Variants in PALM2AKAP2 observed in about 807,000 individuals in gnomAD.
PALM2AKAP2 encodes the protein PALM2 and AKAP2 fusion.
Under a neutral mutation model 71.5 loss-of-function variants are expected in PALM2AKAP2, and 37 were observed. The ratio of observed to expected loss-of-function variants is 0.52; its 90% CI spans 0.40 to 0.68. PALM2AKAP2 has a LOEUF of 0.68. Ranked by LOEUF, PALM2AKAP2 falls within the 30% of genes least tolerant of loss-of-function variation. PALM2AKAP2 has a pLI of 0.00. For missense variants in PALM2AKAP2, 1,224 were observed against 1,191.8 expected, an observed-to-expected ratio of 1.03 and a Z score of -0.40; for synonymous variants, 468 against 478.8, an observed-to-expected ratio of 0.98 and a Z score of 0.29.
chr9:110,123,636 C>T (rs1020672613), intron 1 of PALM2AKAP2, among the ~76,000 whole-genome samples: 1 of 152,124 alleles, frequency 6.6e-6, no homozygotes, highest in East Asian at 1.9e-4. Flanking sequence ...TGGACTCTGG[C>T]GTCTCTGAGA....
chr9:109,681,709 A>C (rs544188896), intron 1 of PALM2AKAP2, among the ~76,000 whole-genome samples: 1 of 152,354 alleles, frequency 6.6e-6, no homozygotes, highest in East Asian at 1.9e-4. Context: ...GAAGTATTTT[A>C]GACTTATTAT....
intron 6 of PALM2AKAP2, among the ~76,000 whole-genome samples, chr9:110,007,856 T>C (rs1166861402): frequency 1.3e-5 from 2 of 152,184 alleles, no homozygotes; most frequent in African/African-American, 4.8e-5. Flanking sequence ...TCAACAAAGT[T>C]TGGACAGCCA....
chr9:109,910,233 G>A (rs961876769), intron 3 of PALM2AKAP2, among the ~76,000 whole-genome samples: 3 of 152,270 alleles, frequency 2.0e-5, no homozygotes, highest in South Asian at 2.1e-4. Context: ...ATGGATTAAC[G>A]GTGGTACCAG....
intron 2 of PALM2AKAP2, among the ~76,000 whole-genome samples, chr9:110,141,386 A>G (rs1836024331): frequency 6.6e-6 from 1 of 152,246 alleles, no homozygotes. Flanking sequence ...TGATAATGAT[A>G]TGCATACATG....
chr9:110,012,787 G>A (rs1832907947), intron 6 of PALM2AKAP2, among the ~76,000 whole-genome samples: 1 of 152,140 alleles, frequency 6.6e-6, no homozygotes, highest in African/African-American at 2.4e-5. Flanking sequence ...AATAAAGGTA[G>A]TGTTGCTTAC....
intron 1 of PALM2AKAP2, among the ~76,000 whole-genome samples, chr9:110,131,786 CTT>C (rs1835739915): frequency 6.6e-6 from 1 of 152,170 alleles, no homozygotes; most frequent in South Asian, 2.1e-4. Context: ...TTGTTTATCT[CTT>C]TAAATACTTC....
chr9:109,779,894 C>A (rs1191474692), upstream of PALM2AKAP2, among the ~76,000 whole-genome samples: 1 of 152,308 alleles, frequency 6.6e-6, no homozygotes, highest in African/African-American at 2.4e-5. Context: ...TCAGACGCCC[C>A]TCTCCACTGG....
intron 6 of PALM2AKAP2, among the ~76,000 whole-genome samples, chr9:109,979,085 CT>C (rs1392085253): frequency 6.6e-6 from 1 of 151,984 alleles, no homozygotes; most frequent in Non-Finnish European, 1.5e-5. Context: ...CTCCGCCTCC[CT>C]GTTTCAAGCA....
rs540517251 is a variant in PALM2AKAP2, at chr9:109,709,874, C to T, written c.5+69008C>T. On this transcript the variant is annotated intron_variant, in intron 1 of 6. Coordinates refer to the PALM2AKAP2 transcript ENST00000374531. ...GGCCCCAAAAGGATATGTGCAAGTC[C>T]TAACCCCTACTACCTGTGAATATGA... Among the ~76,000 whole-genome samples, 4 of 152,306 alleles carry T rather than the reference C, an allele frequency of 2.6e-5. No homozygotes were observed. In the South Asian group the frequency reaches 6.2e-4, roughly 24 times the overall value.
At chr9:109,643,776 T>C (rs910486133) in intron 1 of PALM2AKAP2, among the ~76,000 whole-genome samples, 4 of 152,142 alleles carry the variant, frequency 2.6e-5, no homozygotes, top group Non-Finnish European at 5.9e-5. Flanking sequence ...GCTTCCTTAA[T>C]GTATTAGGCT....
At chr9:110,018,796 G>A (rs1168898931) in intron 7 of PALM2AKAP2, among the ~76,000 whole-genome samples, 1 of 152,104 alleles carries the variant, frequency 6.6e-6, no homozygotes, top group Admixed American at 6.5e-5. Context: ...TCCCAATTAC[G>A]GAGCAGTCAT....
chr9:109,921,830 T>C (rs1486512545), intron 3 of PALM2AKAP2, among the ~76,000 whole-genome samples: 2 of 152,234 alleles, frequency 1.3e-5, no homozygotes, highest in Admixed American at 6.5e-5. Context: ...GTAGGACTTC[T>C]ACTTTTACCC....
At chr9:109,982,449 AAG>A in intron 6 of PALM2AKAP2, among the ~76,000 whole-genome samples, 1 of 152,338 alleles carries the variant, frequency 6.6e-6, no homozygotes, top group East Asian at 1.9e-4. Context: ...TAAAATAACT[AAG>A]AGTATAATTG....
At chr9:109,918,835 A>T (rs1347775634) in intron 3 of PALM2AKAP2, among the ~76,000 whole-genome samples, 3 of 152,118 alleles carry the variant, frequency 2.0e-5, no homozygotes, top group East Asian at 1.9e-4. Context: ...TCCTTCATTC[A>T]TTGCATTTGG....
At chr9:109,915,658 G>A (rs927798526) in intron 3 of PALM2AKAP2, among the ~76,000 whole-genome samples, 1 of 152,088 alleles carries the variant, frequency 6.6e-6, no homozygotes, top group African/African-American at 2.4e-5. Context: ...GTATTATAAT[G>A]TACGTAAAAC....
chr9:109,738,803 T>C (rs1428885970), intron 1 of PALM2AKAP2, among the ~76,000 whole-genome samples: 1 of 152,266 alleles, frequency 6.6e-6, no homozygotes, highest in Non-Finnish European at 1.5e-5. Flanking sequence ...ATTTGAATTT[T>C]GGCATCTTTG....
intron 1 of PALM2AKAP2, among the ~76,000 whole-genome samples, chr9:109,719,983 T>C (rs983012704): frequency 1.9e-4 from 29 of 151,880 alleles, no homozygotes; most frequent in Non-Finnish European, 4.4e-5. Flanking sequence ...CATGCCTTTA[T>C]ATTTTTATTC....
At chr9:109,664,874 G>A (rs1165980912) in intron 1 of PALM2AKAP2, among the ~76,000 whole-genome samples, 6 of 152,168 alleles carry the variant, frequency 3.9e-5, no homozygotes, top group Non-Finnish European at 7.3e-5. Context: ...TTTCTTGGAA[G>A]CTTTGTTTGT....
chr9:109,767,501 ATC>A (rs1484299642), intron 1 of PALM2AKAP2, among the ~76,000 whole-genome samples: 1 of 152,154 alleles, frequency 6.6e-6, no homozygotes, highest in African/African-American at 2.4e-5. Context: ...CCCTGCTTAC[ATC>A]TTCTTCCCTG....
Sources: gnomAD v4.1 joint callset for allele counts (sites outside exome capture counted in the v4.1 genomes callset) on GRCh38, gnomAD v4.1.1 for gene constraint, MANE v1.5 for transcripts, NCBI Gene and HGNC (gene_info 2026-07-23, HGNC 2026-07-21) for gene names.